The following ADK variants were observed in gnomAD, a reference collection of about 807,000 sequenced individuals.
The protein encoded by ADK is adenosine kinase.
In ADK, 24 loss-of-function variants were observed where a neutral mutation model predicts 44.7. The ratio of observed to expected loss-of-function variants is 0.54; its 90% confidence interval spans 0.39 to 0.76. The LOEUF (loss-of-function observed/expected upper bound fraction) is 0.76, where lower values mean the gene tolerates loss of function less well. Ranked by LOEUF, ADK falls within the 30% of genes least tolerant of loss-of-function variation. ADK has a pLI of 0.00. For missense variants in ADK, 321 were observed against 425.1 expected (o/e 0.76, Z 2.15); for synonymous variants, 128 against 142.6 (o/e 0.90, Z 0.73).
chr10:74,704,808 T>C (rs963522977), intron 10 of ADK, among the ~76,000 whole-genome samples: 2 of 152,216 alleles, frequency 1.3e-5, no homozygotes, highest in Admixed American at 1.3e-4. Flanking sequence ...ATGTTTGCAT[T>C]GTAAGCTGAT....
chr10:74,688,383 G>A (rs989237032), intron 10 of ADK, among the ~76,000 whole-genome samples: 1 of 152,080 alleles, frequency 6.6e-6, no homozygotes, highest in African/African-American at 2.4e-5. Flanking sequence ...ATTTACCAGC[G>A]TATCCCCGGG....
intron 4 of ADK, among the ~76,000 whole-genome samples, chr10:74,390,221 T>C (rs1160599983): frequency 6.6e-6 from 1 of 152,124 alleles, no homozygotes; most frequent in Non-Finnish European, 1.5e-5. Context: ...ATTTATACTT[T>C]CACTAATTGT....
At position 74,708,325 on chromosome 10, in the gene ADK, T is replaced by G; in HGVS notation, c.969T>G (p.Phe323Leu). The G allele has an allele frequency of 6.2e-7, 1 of 1,611,290 alleles. No homozygotes were observed. ...NGAGDAFVGG[F>L]LSQLVSDKPL... is the part of the protein sequence containing the mutation. ...TTTTTTTTGCCTGTGTTCTAGGTTT[T>G]CTGTCTCAACTGGTCTCTGACAAGC... Residue 323 changes from phenylalanine (F) to leucine (L), a missense_variant, in exon 11 of 11, where the codon TTT becomes TTG. Physicochemically the swap from Phe to Leu is conservative, Grantham distance 22. Coordinates refer to ENST00000539909, the MANE Select transcript of ADK (RefSeq NM_006721.4).
intron 6 of ADK, among the ~76,000 whole-genome samples, chr10:74,409,638 C>T (rs540787850): frequency 1.3e-5 from 2 of 152,104 alleles, no homozygotes; most frequent in East Asian, 1.9e-4. Flanking sequence ...TATCTGTTTT[C>T]GGTCTAGAAT....
At chr10:74,526,585 G>A (rs996877358) in intron 7 of ADK, among the ~76,000 whole-genome samples, 2 of 152,236 alleles carry the variant, frequency 1.3e-5, no homozygotes, top group East Asian at 3.9e-4. Context: ...CATCTGCCTA[G>A]AATAACATAA....
rs540663916 is a variant in ADK at position 74,312,482 on chromosome 10, A to G, written c.195-2185A>G. The stretch of plus-strand genomic sequence containing the variant: ...AAGAATTTATAGCACCAAGACATTC[A>G]TTTTTTAAAAATTGCACATTTATTT... On this transcript the variant is annotated intron_variant, in intron 3 of 10. Coordinates refer to ENST00000539909, the MANE Select transcript of ADK (RefSeq NM_006721.4). 6.0e-5 allele frequency among the ~76,000 whole-genome samples: 9 copies of G among 150,578 alleles called. No individual in the cohort carries two copies. In the East Asian group the frequency reaches 1.2e-3, roughly 19 times the overall value.
intron 8 of ADK, among the ~76,000 whole-genome samples, chr10:74,589,751 A>T (rs1428516501): frequency 2.6e-5 from 4 of 152,182 alleles, no homozygotes; most frequent in African/African-American, 9.7e-5. Context: ...TCACATGTAG[A>T]TTATCATTAT....
intron 9 of ADK, among the ~76,000 whole-genome samples, chr10:74,660,310 T>C (rs564844516): frequency 1.1e-4 from 16 of 152,196 alleles, no homozygotes; most frequent in African/African-American, 3.9e-4. Context: ...TTTGTATTTT[T>C]TTGTAGAGAT....
chr10:74,186,954 T>C (rs1408750015), intron 1 of ADK, among the ~76,000 whole-genome samples: 1 of 152,192 alleles, frequency 6.6e-6, no homozygotes, highest in Non-Finnish European at 1.5e-5. Context: ...CTTGGGTAAA[T>C]ATCTAGGAGT....
intron 4 of ADK, among the ~76,000 whole-genome samples, chr10:74,373,023 G>A (rs1370843342): frequency 6.6e-6 from 1 of 151,980 alleles, no homozygotes; most frequent in East Asian, 1.9e-4. Flanking sequence ...ACAGAAATAA[G>A]TCTTCACATT....
chr10:74,679,405 T>G (rs1855519441), intron 10 of ADK, among the ~76,000 whole-genome samples: 1 of 152,176 alleles, frequency 6.6e-6, no homozygotes, highest in African/African-American at 2.4e-5. Context: ...TGAATAATGT[T>G]GGTAATAGTG....
intron 6 of ADK, among the ~76,000 whole-genome samples, chr10:74,455,256 C>T (rs763646861): frequency 6.6e-5 from 10 of 152,078 alleles, no homozygotes; most frequent in East Asian, 3.8e-4. Flanking sequence ...ATAATCCCAA[C>T]ACTTTACGAG....
chr10:74,188,299 C>G (rs1303075911), intron 1 of ADK, among the ~76,000 whole-genome samples: 1 of 143,708 alleles, frequency 7.0e-6, no homozygotes, highest in African/African-American at 2.9e-5. Context: ...TTCAAAAACC[C>G]AGATTTTGTT....
chr10:74,276,657 A>G (rs549990254), intron 3 of ADK, among the ~76,000 whole-genome samples: 2 of 152,104 alleles, frequency 1.3e-5, no homozygotes, highest in South Asian at 4.2e-4. Flanking sequence ...AATGTTTCCA[A>G]GCTCTTTCTG....
chr10:74,245,321 C>T (rs1056520562), intron 3 of ADK, among the ~76,000 whole-genome samples: 5 of 152,082 alleles, frequency 3.3e-5, no homozygotes, highest in African/African-American at 1.2e-4. Flanking sequence ...CATACATACC[C>T]TTAAGATTAG....
At chr10:74,426,703 A>G (rs1263082646) in intron 6 of ADK, among the ~76,000 whole-genome samples, 1 of 152,208 alleles carries the variant, frequency 6.6e-6, no homozygotes, top group African/African-American at 2.4e-5. Context: ...TTAATGTCCA[A>G]CATATTCAAA....
intron 6 of ADK, among the ~76,000 whole-genome samples, chr10:74,450,488 G>A (rs1052118780): frequency 9.9e-5 from 15 of 152,026 alleles, no homozygotes; most frequent in African/African-American, 3.6e-4. Flanking sequence ...AATAAATACT[G>A]CTTGATGAAT....
intron 7 of ADK, among the ~76,000 whole-genome samples, chr10:74,526,344 A>ATTTAT (rs1849041925): frequency 2.0e-5 from 3 of 152,032 alleles, no homozygotes; most frequent in African/African-American, 4.8e-5. Context: ...ATTTACTTTG[A>ATTTAT]TTGCTTGTTT....
intron 6 of ADK, among the ~76,000 whole-genome samples, chr10:74,402,089 G>T (rs770251319): frequency 6.6e-6 from 1 of 152,192 alleles, no homozygotes; most frequent in Non-Finnish European, 1.5e-5. Context: ...TTGGCTTGTA[G>T]AGTGTCTGCA....
Sources: allele counts gnomAD v4.1 joint callset (sites outside exome capture counted in the v4.1 genomes callset), GRCh38; gene constraint gnomAD v4.1.1; transcripts MANE v1.5; gene names NCBI Gene and HGNC (gene_info 2026-07-23, HGNC 2026-07-21).